The following ETV6 variants were observed in gnomAD, a reference collection of about 807,000 sequenced individuals.
ETV6 encodes the protein transcription factor ETV6.
A neutral mutation model predicts 51.1 loss-of-function variants in ETV6; 16 were observed. That is an observed-to-expected ratio of 0.31 (90% CI 0.21 to 0.48). The LOEUF is 0.48. ETV6 is among the 20% of genes least tolerant of loss of function. ETV6 has a pLI of 0.99. For missense variants in ETV6, 458 were observed against 594.8 expected, an observed-to-expected ratio of 0.77 and a Z score of 2.39; for synonymous variants, 240 against 224.1, an observed-to-expected ratio of 1.07 and a Z score of -0.64.
intron 2 of ETV6, chr12:11,826,321 A>G (rs1946152797): frequency 6.6e-6 from 1 of 152,276 alleles, no homozygotes; most frequent in African/African-American, 2.4e-5. Flanking sequence ...CTCCCATGTC[A>G]AAGTTAAAAA....
intron 1 of ETV6, among the ~76,000 whole-genome samples, chr12:11,729,914 A>G (rs147781712): frequency 2.6e-5 from 4 of 152,128 alleles, no homozygotes; most frequent in Admixed American, 6.5e-5. Flanking sequence ...TTTTATCCCT[A>G]TGTGTTTTTT....
In ETV6 at chr12:11,863,013, G is replaced by T. The variant is rs1946737790; in HGVS notation, c.464-6411G>T. ...GTGAGCATTACCTCCTGGGCCTGTT[G>T]ATTTGCGTCTCCCTGGTGACCTTCT... is the stretch of plus-strand genomic sequence containing the variant. On this transcript the variant is annotated intron_variant, in intron 4 of 7. Transcript: ENST00000396373. Among the ~76,000 whole-genome samples, 7 of 152,300 alleles carry T rather than the reference G, an allele frequency of 4.6e-5. No homozygotes were observed. The South Asian group carries it at 1.5e-3, about 32-fold the overall frequency.
At chr12:11,801,278 T>C (rs1321474486) in intron 2 of ETV6, among the ~76,000 whole-genome samples, 1 of 152,220 alleles carries the variant, frequency 6.6e-6, no homozygotes, top group East Asian at 1.9e-4. Context: ...TAAAGAAAGT[T>C]ATCTAATTTA....
chr12:11,883,782 A>G (rs538960856), intron 5 of ETV6, among the ~76,000 whole-genome samples: 1 of 152,282 alleles, frequency 6.6e-6, no homozygotes, highest in Admixed American at 6.5e-5. Context: ...CACTATATCA[A>G]AACATTTTTT....
chr12:11,750,526 G>A (rs1866001704), intron 1 of ETV6, among the ~76,000 whole-genome samples: 1 of 152,172 alleles, frequency 6.6e-6, no homozygotes, highest in African/African-American at 2.4e-5. Context: ...CACTCATGAA[G>A]CACCATTTGA....
intron 1 of ETV6, among the ~76,000 whole-genome samples, chr12:11,698,288 C>T (rs1048796499): frequency 1.3e-5 from 2 of 152,216 alleles, no homozygotes; most frequent in Non-Finnish European, 2.9e-5. Context: ...GCATAACAAA[C>T]TGCCACAAAT....
chr12:11,812,265 A>T (rs1344165013), intron 2 of ETV6, among the ~76,000 whole-genome samples: 1 of 152,212 alleles, frequency 6.6e-6, no homozygotes, highest in Non-Finnish European at 1.5e-5. Flanking sequence ...GGTGAAGATC[A>T]GTCCTGAGGC....
At chr12:11,769,063 TA>T in intron 2 of ETV6, 1 of 425,074 alleles carries the variant, frequency 2.4e-6, no homozygotes, top group Non-Finnish European at 4.7e-6. Flanking sequence ...GGATAATAAT[TA>T]TCAAAACCAG....
chr12:11,874,575 CAT>C lies in ETV6; in HGVS notation c.1009+4611_1009+4612del, dbSNP rs1295483755. On this transcript the variant is annotated intron_variant, in intron 5 of 7. Transcript: ENST00000396373. ...ATATATGTGTATGTGCGTGTGTACACATATATGTGTGTATACACATATATGTG... is the reference window on the plus strand; with the variant it reads ...ATATATGTGTATGTGCGTGTGTACACATATGTGTGTATACACATATATGTG... Among the ~76,000 whole-genome samples the C allele has an allele frequency of 3.0e-4, 2 of 6,688 alleles. 1 individual carries two copies. Among genetic ancestry groups the C allele is most frequent in the Non-Finnish European group, 1.0e-3 (2 of 1,958 alleles). 4.4% of individuals were successfully genotyped at this position (6,688 alleles called of 152,430 possible).
At chr12:11,788,251 A>T (rs563651112) in intron 2 of ETV6, among the ~76,000 whole-genome samples, 51 of 152,258 alleles carry the variant, frequency 3.3e-4, no homozygotes, top group Non-Finnish European at 6.3e-4. Flanking sequence ...ATTCCAAAAT[A>T]TTTTTTTAGA....
chr12:11,857,835 G>A (rs1269250048), intron 4 of ETV6, among the ~76,000 whole-genome samples: 1 of 152,188 alleles, frequency 6.6e-6, no homozygotes, highest in East Asian at 1.9e-4. Context: ...ATAAGAAGGG[G>A]GTTAGGCTAA....
intron 1 of ETV6, among the ~76,000 whole-genome samples, chr12:11,677,302 A>G (rs1864438995): frequency 6.6e-6 from 1 of 152,180 alleles, no homozygotes; most frequent in Non-Finnish European, 1.5e-5. Context: ...CTCTGCCAAT[A>G]ATTACAAAGC....
chr12:11,711,708 T>A (rs566191670), intron 1 of ETV6, among the ~76,000 whole-genome samples: 2 of 152,364 alleles, frequency 1.3e-5, no homozygotes, highest in South Asian at 2.1e-4. Flanking sequence ...TGGGTCCTGT[T>A]AGGGACATAC....
rs1947295746 is a variant in ETV6 at position 11,891,984 on chromosome 12, G to T, written c.*938G>T. ...AAGATAAGGATGGAAGGCTGTCCAA[G>T]TTATTTGGAAGGCCTCGGCAGCTTG... is the stretch of plus-strand genomic sequence containing the variant. On this transcript the variant is annotated 3_prime_UTR_variant, in exon 8 of 8. Transcript: ENST00000396373. 4.3e-6 allele frequency: 1 copy of T among 234,554 alleles called. No individual in the cohort carries two copies. Among genetic ancestry groups the T allele is most frequent in the Non-Finnish European group, 8.4e-6 (1 of 118,946 alleles). The allele number at this position is 234,554 out of a possible 1,614,324, so 14.5% of individuals were successfully genotyped here. A position where few individuals can be genotyped will look rare whatever the true frequency, so the allele number is the denominator to read the frequency against.
chr12:11,683,842 ATT>A (rs891706575), intron 1 of ETV6, among the ~76,000 whole-genome samples: 11 of 151,806 alleles, frequency 7.2e-5, no homozygotes, highest in African/African-American at 2.7e-4. Flanking sequence ...TTCCTGTGGC[ATT>A]CTGTCTCATA....
At chr12:11,742,880 C>G (rs1296674407) in intron 1 of ETV6, among the ~76,000 whole-genome samples, 1 of 144,986 alleles carries the variant, frequency 6.9e-6, no homozygotes, top group Non-Finnish European at 1.5e-5. Context: ...AATCACAGCT[C>G]ACTGTAGCCT....
At chr12:11,812,859 A>T (rs2136422523) in intron 2 of ETV6, among the ~76,000 whole-genome samples, 1 of 152,298 alleles carries the variant, frequency 6.6e-6, no homozygotes, top group East Asian at 1.9e-4. Flanking sequence ...GGGAAATAGA[A>T]ATCAGCCCTA....
intron 2 of ETV6, among the ~76,000 whole-genome samples, chr12:11,771,365 C>T (rs1023427029): frequency 3.3e-5 from 5 of 152,192 alleles, no homozygotes; most frequent in African/African-American, 4.8e-5. Context: ...CAGTATCTCC[C>T]ACTTTGTCTG....
At chr12:11,754,606 T>G (rs2710267) in intron 2 of ETV6, among the ~76,000 whole-genome samples, 145,134 of 152,308 alleles carry the variant, frequency 0.95, 69,553 homozygotes, top group East Asian at 1. Context: ...TACTGTGTGT[T>G]GACAAGAAAA....
Sources: allele counts gnomAD v4.1 joint callset (sites outside exome capture counted in the v4.1 genomes callset), GRCh38; gene constraint gnomAD v4.1.1; transcripts MANE v1.5; gene names NCBI Gene and HGNC (gene_info 2026-07-23, HGNC 2026-07-21).